MARK1: variants seen among roughly 807,000 people sequenced by gnomAD.
MARK1 encodes the protein microtubule affinity regulating kinase 1.
Under a neutral mutation model 96.3 loss-of-function variants are expected in MARK1, and 40 were observed. That is an observed-to-expected ratio of 0.42 (90% confidence interval 0.32 to 0.54). MARK1 has a LOEUF of 0.54. MARK1 is among the 20% of genes least tolerant of loss of function. The pLI is 0.16. For missense variants in MARK1, 719 were observed against 984.6 expected (o/e 0.73, Z 3.61); for synonymous variants, 317 against 341.2 (o/e 0.93, Z 0.78).
chr1:220,594,483 A>T (rs1166060924), intron 3 of MARK1, among the ~76,000 whole-genome samples: 1 of 152,198 alleles, frequency 6.6e-6, no homozygotes, highest in African/African-American at 2.4e-5. Flanking sequence ...AAAACTACAC[A>T]TATCTTACCA....
At chr1:220,590,558 A>T (rs2102876185) in intron 3 of MARK1, among the ~76,000 whole-genome samples, 1 of 152,274 alleles carries the variant, frequency 6.6e-6, no homozygotes, top group East Asian at 1.9e-4. Context: ...GTATAGTCAC[A>T]CTGGGCATTA....
chr1:220,651,871 A>C (rs561256843), intron 14 of MARK1, 115 bp from the exon 15 acceptor site: 2 of 651,492 alleles, frequency 3.1e-6, no homozygotes, highest in Non-Finnish European at 5.0e-6. Context: ...CAAATGTTTC[A>C]GTCATGAAAG....
At position 220,624,412 on chromosome 1, in the gene MARK1, C is replaced by T. The variant is rs1220361114; in HGVS notation, c.909+5657C>T. On this transcript the variant is annotated intron_variant, in intron 9 of 17. Coordinates refer to ENST00000366917, the MANE Select transcript of MARK1 (RefSeq NM_018650.5). ...GTTGGGAGTTTGAGAGCAGCCTGACCGACATGGAGAAACCCCGTCTCTATT... is the reference window on the plus strand; with the variant it reads ...GTTGGGAGTTTGAGAGCAGCCTGACTGACATGGAGAAACCCCGTCTCTATT... 3.3e-5 allele frequency among the ~76,000 whole-genome samples: 5 copies of T among 151,310 alleles called. No individual in the cohort carries two copies. The East Asian group carries it at 7.8e-4, about 23-fold the overall frequency.
chr1:220,612,517 A>G (rs945402515), intron 6 of MARK1, among the ~76,000 whole-genome samples: 4 of 152,164 alleles, frequency 2.6e-5, no homozygotes, highest in African/African-American at 9.6e-5. Flanking sequence ...TTTTAAATGT[A>G]TTTAGTATCT....
chr1:220,652,542 A>G (rs940265347), intron 15 of MARK1, among the ~76,000 whole-genome samples: 4 of 152,216 alleles, frequency 2.6e-5, no homozygotes, highest in African/African-American at 9.6e-5. Flanking sequence ...ACCAGGCTTC[A>G]GTTTTCCTGT....
chr1:220,633,115 G>T (rs956323442), intron 11 of MARK1, among the ~76,000 whole-genome samples: 5 of 152,096 alleles, frequency 3.3e-5, no homozygotes, highest in African/African-American at 1.2e-4. Context: ...GCGTGAACCC[G>T]TAAAGGGAGA....
chr1:220,655,447 C>T (rs568354564), intron 16 of MARK1, among the ~76,000 whole-genome samples: 2 of 152,310 alleles, frequency 1.3e-5, no homozygotes, highest in East Asian at 3.9e-4. Flanking sequence ...AACTCTCGTT[C>T]CTCTTCCCAA....
chr1:220,556,197 G>C (rs1235803574), intron 1 of MARK1, among the ~76,000 whole-genome samples: 7 of 152,106 alleles, frequency 4.6e-5, no homozygotes, highest in African/African-American at 1.7e-4. Flanking sequence ...AGCCTTGATA[G>C]CTCTGTCTCC....
intron 3 of MARK1, among the ~76,000 whole-genome samples, chr1:220,585,436 A>T (rs1186265231): frequency 1.3e-5 from 2 of 152,232 alleles, no homozygotes; most frequent in Non-Finnish European, 2.9e-5. Flanking sequence ...TGAGGATGTG[A>T]TCATCAGATT....
chr1:220,642,299 A>G (rs1257842602), intron 13 of MARK1, among the ~76,000 whole-genome samples: 1 of 152,196 alleles, frequency 6.6e-6, no homozygotes, highest in Non-Finnish European at 1.5e-5. Flanking sequence ...TTCCCCTGCC[A>G]GTGTTAGGGA....
intron 2 of MARK1, among the ~76,000 whole-genome samples, 180 bp downstream of exon 2, chr1:220,579,737 A>G (rs1038750240): frequency 1.3e-5 from 2 of 152,240 alleles, no homozygotes; most frequent in Admixed American, 6.5e-5. Flanking sequence ...ACCTTTTAAT[A>G]TTTAGAAAAG....
At chr1:220,645,854 T>G (rs1220231320) in intron 13 of MARK1, among the ~76,000 whole-genome samples, 1 of 152,066 alleles carries the variant, frequency 6.6e-6, no homozygotes, top group African/African-American at 2.4e-5. Context: ...AAATTCAACA[T>G]CCCTTCATGT....
At chr1:220,551,200 G>A (rs774837345) in intron 1 of MARK1, among the ~76,000 whole-genome samples, 68 of 152,314 alleles carry the variant, frequency 4.5e-4, no homozygotes, top group African/African-American at 1.4e-3. Flanking sequence ...GTGGTCCAGC[G>A]GGAGCTGAAG....
At chr1:220,658,372 A>G (rs1428363763) in intron 17 of MARK1, among the ~76,000 whole-genome samples, 1 of 152,184 alleles carries the variant, frequency 6.6e-6, no homozygotes, top group Non-Finnish European at 1.5e-5. Flanking sequence ...TCAGAATTAC[A>G]GGGAAGGCTT....
At chr1:220,626,955 G>A in intron 9 of MARK1, 1 of 508,826 alleles carries the variant, frequency 2.0e-6, no homozygotes, top group Non-Finnish European at 3.9e-6. Flanking sequence ...TATGAGACAG[G>A]TGTGGCCCTG....
chr1:220,640,999 C>A (rs1668236737), intron 13 of MARK1, among the ~76,000 whole-genome samples: 1 of 152,168 alleles, frequency 6.6e-6, no homozygotes. Context: ...TATTTTCCTT[C>A]TAGAAATTCC....
chr1:220,569,475 A>G (rs1663288914), intron 1 of MARK1, among the ~76,000 whole-genome samples: 1 of 151,962 alleles, frequency 6.6e-6, no homozygotes, highest in Non-Finnish European at 1.5e-5. Context: ...CACTTGCTGA[A>G]CTGTCGATTC....
At position 220,618,453 on chromosome 1, in the gene MARK1, G is replaced by A. The variant is rs1339196210; in HGVS notation, c.696G>A (p.Lys232=). The A allele has an allele frequency of 1.2e-6, 2 of 1,614,162 alleles. No individual in the cohort carries two copies. The highest frequency in any genetic ancestry group is 1.1e-5 in the South Asian group (1 of 91,078). Reference sequence around the variant, plus strand: ...CTCCCGAGCTTTTCCAAGGAAAGAAGTATGATGGGCCTGAAGTGGATGTGT... The same window carrying A: ...CTCCCGAGCTTTTCCAAGGAAAGAAATATGATGGGCCTGAAGTGGATGTGT... ...YAAPELFQGK[K]YDGPEVDVWS... The change falls in exon 8 of 18, where the codon AAG becomes AAA. Residue 232 remains lysine (K), a synonymous_variant. Coordinates refer to ENST00000366917, the MANE Select transcript of MARK1 (RefSeq NM_018650.5). This position sits in a 1 kb window ranked among gnomAD's most constrained non-coding sequence, Gnocchi z 4.6.
intron 6 of MARK1, among the ~76,000 whole-genome samples, chr1:220,614,125 A>C (rs543305567): frequency 2.0e-5 from 3 of 152,026 alleles, no homozygotes; most frequent in Non-Finnish European, 4.4e-5. Context: ...CTCCTGCCTC[A>C]GCCTCCCGTG....
Sources: allele counts gnomAD v4.1 joint callset (sites outside exome capture counted in the v4.1 genomes callset), GRCh38; gene constraint gnomAD v4.1.1; non-coding constraint Gnocchi (gnomAD v3.1); transcripts MANE v1.5; gene names NCBI Gene and HGNC (gene_info 2026-07-23, HGNC 2026-07-21).